Variants in STXBP3 observed in about 807,000 individuals in gnomAD.
STXBP3 encodes syntaxin binding protein 3, also known as syntaxin-binding protein 3.
STXBP3 carries 41 observed loss-of-function variants against 85.7 expected under a neutral mutation model. That is an observed-to-expected ratio of 0.48 (90% CI 0.37 to 0.62). The LOEUF is 0.62. Ranked by LOEUF, STXBP3 falls within the 20% of genes least tolerant of loss-of-function variation. The pLI is 0.00. For missense variants in STXBP3, 563 were observed against 703.1 expected (o/e 0.80, Z 2.25); for synonymous variants, 229 against 231.7 (o/e 0.99, Z 0.10).
At chr1:108,752,210 G>A in intron 1 of STXBP3, 47 bp from the exon 2 acceptor site, 1 of 1,564,520 alleles carries the variant, frequency 6.4e-7, no homozygotes, top group South Asian at 1.2e-5. Flanking sequence ...GGATTACTAT[G>A]TTTCTGTTTA....
intron 17 of STXBP3, among the ~76,000 whole-genome samples, chr1:108,801,747 T>C (rs1484557507): frequency 1.3e-5 from 2 of 151,942 alleles, no homozygotes; most frequent in South Asian, 2.1e-4. Context: ...TAGCTTACTA[T>C]AAACTCAAAC....
At chr1:108,746,869 G>A (rs749311450) in intron 1 of STXBP3, 83 bp downstream of exon 1, 28 of 1,376,136 alleles carry the variant, frequency 2.0e-5, no homozygotes, top group Admixed American at 6.3e-5. Flanking sequence ...CCAACCCAGC[G>A]GTCTGTTGAG....
In STXBP3 at chr1:108,779,415, G is replaced by A; in HGVS notation, c.809+5G>A. The stretch of plus-strand genomic sequence containing the variant: ...AATTGAGAATGATACATACAAGCAA[G>A]TATAACTTGAAGGGCATATAAAGGG... On this transcript the variant is annotated splice_donor_5th_base_variant and intron_variant, in intron 9 of 18. Coordinates refer to ENST00000370008, the MANE Select transcript of STXBP3 (RefSeq NM_007269.4). The A allele has an allele frequency of 6.2e-7, 1 of 1,607,320 alleles. No individual in the cohort carries two copies.
At chr1:108,755,751 A>T in intron 3 of STXBP3, among the ~76,000 whole-genome samples, 1 of 152,238 alleles carries the variant, frequency 6.6e-6, no homozygotes, top group Admixed American at 6.5e-5. Flanking sequence ...AAATGAAAAC[A>T]GATTAAACCT....
At chr1:108,768,012 T>G (rs1157292896) in intron 6 of STXBP3, among the ~76,000 whole-genome samples, 1 of 152,172 alleles carries the variant, frequency 6.6e-6, no homozygotes, top group African/African-American at 2.4e-5. Context: ...CTGAGAAAAT[T>G]TTTTAGCTGG....
chr1:108,796,111 C>A, intron 13 of STXBP3, 123 bp from the exon 14 acceptor site: 1 of 960,758 alleles, frequency 1.0e-6, no homozygotes, highest in Non-Finnish European at 1.5e-6. Flanking sequence ...AGGTGATCTG[C>A]CTTGGCCTCC....
intron 11 of STXBP3, among the ~76,000 whole-genome samples, chr1:108,790,523 A>G (rs537089248): frequency 7.2e-5 from 11 of 151,978 alleles, no homozygotes; most frequent in Admixed American, 6.6e-4. Context: ...TATCCAGCCC[A>G]AAAATCTTTT....
At position 108,768,246 on chromosome 1, in the gene STXBP3, A is replaced by T. The variant is rs1662310788; in HGVS notation, c.439-4419A>T. Among the ~76,000 whole-genome samples, 5 of 152,132 alleles carry T rather than the reference A, an allele frequency of 3.3e-5. No homozygotes were observed. The South Asian group carries it at 1.0e-3, about 31-fold the overall frequency. ...ATACAAGGAATGTATCCATCATTTCATGCATTTAGGAGCCAGGTTTTGTTA... is the reference window on the plus strand; with the variant it reads ...ATACAAGGAATGTATCCATCATTTCTTGCATTTAGGAGCCAGGTTTTGTTA... On this transcript the variant is annotated intron_variant, in intron 6 of 18. Coordinates refer to ENST00000370008, the MANE Select transcript of STXBP3 (RefSeq NM_007269.4).
intron 11 of STXBP3, among the ~76,000 whole-genome samples, chr1:108,784,944 T>C (rs1366094698): frequency 6.6e-6 from 1 of 152,194 alleles, no homozygotes; most frequent in Non-Finnish European, 1.5e-5. Flanking sequence ...CTGGGTCATG[T>C]TGATGCAAAA....
intron 17 of STXBP3, among the ~76,000 whole-genome samples, chr1:108,801,146 A>C (rs750421731): frequency 6.6e-6 from 1 of 151,786 alleles, no homozygotes; most frequent in South Asian, 2.1e-4. Context: ...TTAAATTTCC[A>C]TTTCTGACTG....
intron 4 of STXBP3, 32 bp downstream of exon 4, chr1:108,756,798 C>G: frequency 6.7e-7 from 1 of 1,486,342 alleles, no homozygotes; most frequent in African/African-American, 1.4e-5. Flanking sequence ...AAAGCAGGTT[C>G]ATCAATATTT....
At chr1:108,759,737 A>G (rs964128147) in intron 5 of STXBP3, among the ~76,000 whole-genome samples, 3 of 152,198 alleles carry the variant, frequency 2.0e-5, no homozygotes, top group African/African-American at 7.2e-5. Flanking sequence ...CTCTGTTAGC[A>G]GATCTTTAAG....
chr1:108,783,161 T>G (rs1027268656), intron 11 of STXBP3, among the ~76,000 whole-genome samples: 1 of 152,258 alleles, frequency 6.6e-6, no homozygotes, highest in Non-Finnish European at 1.5e-5. Flanking sequence ...ATTACAGGTG[T>G]GAGCCACTGT....
In STXBP3 at chr1:108,746,685, C is replaced by T. The variant is rs561017870; in HGVS notation, c.-53C>T. 2,254 of 1,546,840 alleles carry T rather than the reference C, an allele frequency of 1.5e-3. 13 individuals are homozygous for T. The highest frequency in any genetic ancestry group is 6.1e-3 in the South Asian group (511 of 83,960). On this transcript the variant is annotated 5_prime_UTR_variant, in exon 1 of 19. Coordinates refer to ENST00000370008, the MANE Select transcript of STXBP3 (RefSeq NM_007269.4). ...GCCACCCCAACGCCGCTTCTGCGGC[C>T]AAAGTAGGTTGGGAGTGGAAGGTGG...
intron 17 of STXBP3, among the ~76,000 whole-genome samples, chr1:108,801,156 G>A (rs973558445): frequency 6.6e-6 from 1 of 151,862 alleles, no homozygotes; most frequent in Non-Finnish European, 1.5e-5. Flanking sequence ...ATTTCTGACT[G>A]TTGAGATTCC....
intron 7 of STXBP3, among the ~76,000 whole-genome samples, chr1:108,775,891 TGTGTCA>T: frequency 6.6e-6 from 1 of 151,928 alleles, no homozygotes; most frequent in Admixed American, 6.6e-5. Flanking sequence ...ATCCGATATG[TGTGTCA>T]ATGTCAATGT....
chr1:108,808,095 G>A (rs930391492), intron 18 of STXBP3, among the ~76,000 whole-genome samples: 2 of 152,138 alleles, frequency 1.3e-5, no homozygotes, highest in Non-Finnish European at 2.9e-5. Context: ...AAAATAGTAT[G>A]TTCTGTACGT....
intron 10 of STXBP3, 61 bp from the exon 11 acceptor site, chr1:108,782,588 A>G: frequency 6.3e-7 from 1 of 1,598,724 alleles, no homozygotes; most frequent in South Asian, 1.1e-5. Context: ...TTGTAACCTT[A>G]AAATAGTTCT....
chr1:108,795,001 G>T lies in STXBP3; in HGVS notation c.1110+94G>T, dbSNP rs891189919. 16 of 1,071,452 alleles carry T rather than the reference G, an allele frequency of 1.5e-5. No individual in the cohort carries two copies. In the African/African-American group the frequency reaches 2.6e-4, roughly 17 times the overall value. 66.4% of individuals were successfully genotyped at this position (1,071,452 alleles called of 1,614,324 possible). On this transcript the variant is annotated intron_variant, in intron 13 of 18. Coordinates refer to ENST00000370008, the MANE Select transcript of STXBP3 (RefSeq NM_007269.4). ...TAACTTTTTGCTTGATACAGTGGTT[G>T]GTTTTTACAGAATCACAGACTCTCT...
Sources: allele counts gnomAD v4.1 joint callset (sites outside exome capture counted in the v4.1 genomes callset), GRCh38; gene constraint gnomAD v4.1.1; transcripts MANE v1.5; gene names NCBI Gene and HGNC (gene_info 2026-07-23, HGNC 2026-07-21).